The following PRKG1 variants were observed in gnomAD, a reference collection of about 807,000 sequenced individuals.
PRKG1 encodes protein kinase cGMP-dependent 1, also known as cGMP-dependent protein kinase 1.
PRKG1 carries 35 observed loss-of-function variants against 88.1 expected under a neutral mutation model. That is an observed-to-expected ratio of 0.40 (90% CI 0.30 to 0.53). The LOEUF is 0.53. Among genes scored for constraint, PRKG1 ranks in the 20% least tolerant of loss-of-function variants. PRKG1 has a pLI of 0.59. For missense variants in PRKG1, 540 were observed against 839.8 expected, an observed-to-expected ratio of 0.64 and a Z score of 4.41; for synonymous variants, 303 against 292.5, an observed-to-expected ratio of 1.04 and a Z score of -0.37.
intron 2 of PRKG1, among the ~76,000 whole-genome samples, chr10:51,198,906 C>T (rs1258325123): frequency 6.6e-6 from 1 of 152,158 alleles, no homozygotes; most frequent in Non-Finnish European, 1.5e-5. Context: ...CAAATTACCA[C>T]AAAAATATCA....
chr10:51,525,829 C>CT (rs747976301), intron 3 of PRKG1, among the ~76,000 whole-genome samples: 10,934 of 146,012 alleles, frequency 0.075, 465 homozygotes, highest in Middle Eastern at 0.14. Flanking sequence ...ACTCTTAGCA[C>CT]TTTTTTTTTT....
At chr10:51,113,136 C>T (rs1040437718) in intron 1 of PRKG1, among the ~76,000 whole-genome samples, 5 of 152,160 alleles carry the variant, frequency 3.3e-5, no homozygotes, top group East Asian at 1.9e-4. Context: ...TGATATGCAT[C>T]GCAATGTGCT....
At chr10:52,097,118 T>G (rs1847190763) in intron 7 of PRKG1, among the ~76,000 whole-genome samples, 1 of 152,172 alleles carries the variant, frequency 6.6e-6, no homozygotes, top group Non-Finnish European at 1.5e-5. Context: ...TTATACAGCT[T>G]AAGATACAGA....
intron 3 of PRKG1, among the ~76,000 whole-genome samples, chr10:51,666,322 G>A (rs1215593486): frequency 6.6e-6 from 1 of 152,152 alleles, no homozygotes; most frequent in Admixed American, 6.5e-5. Flanking sequence ...GCCCCTTGAT[G>A]GTTTTTGACA....
chr10:51,554,693 G>C (rs1837264755), intron 3 of PRKG1, among the ~76,000 whole-genome samples: 1 of 99,828 alleles, frequency 1.0e-5, no homozygotes, highest in South Asian at 3.9e-4. Context: ...GCATTTTAAG[G>C]GGAAAAAAGT....
chr10:52,045,530 A>T (rs1403875658), intron 5 of PRKG1, among the ~76,000 whole-genome samples: 2 of 152,074 alleles, frequency 1.3e-5, no homozygotes, highest in Non-Finnish European at 2.9e-5. Flanking sequence ...AAGGAATGTG[A>T]CAAGGGACAG....
At chr10:51,504,290 G>A (rs569476504) in intron 3 of PRKG1, among the ~76,000 whole-genome samples, 2 of 152,262 alleles carry the variant, frequency 1.3e-5, no homozygotes, top group African/African-American at 4.8e-5. Context: ...TAGACATGTG[G>A]CATTATTTCT....
intron 7 of PRKG1, among the ~76,000 whole-genome samples, chr10:52,080,542 C>A (rs556162137): frequency 6.6e-6 from 1 of 152,170 alleles, no homozygotes; most frequent in Non-Finnish European, 1.5e-5. Context: ...TGAAGGCAAG[C>A]AAACTGAGAC....
chr10:52,047,538 A>G (rs1168236158), intron 5 of PRKG1, among the ~76,000 whole-genome samples: 1 of 152,180 alleles, frequency 6.6e-6, no homozygotes, highest in South Asian at 2.1e-4. Flanking sequence ...TGAGAATTTT[A>G]TGCTGTTATG....
rs751174547 is a variant in PRKG1, at chr10:52,288,812, C to T, written c.1796C>T (p.Ala599Val). The T allele has an allele frequency of 6.2e-7, 1 of 1,605,798 alleles. No homozygotes were observed. Among genetic ancestry groups the T allele is most frequent in the Admixed American group, 1.7e-5 (1 of 58,786 alleles). Reference protein sequence around the residue: ...IDMIEFPKKIAKNAANLIKKL... With the variant: ...IDMIEFPKKIVKNAANLIKKL... ...ATGATAGAATTTCCAAAGAAGATTG[C>T]CAAAAATGCTGCTAATTTAATTAAA... is the stretch of plus-strand genomic sequence containing the variant. The change falls in exon 15 of 18, where the codon GCC becomes GTC. Residue 599 changes from alanine to valine, a missense_variant. Ala to Val is a moderately conservative substitution (Grantham distance 64, BLOSUM62 0). Coordinates refer to ENST00000373980, the MANE Select transcript of PRKG1 (RefSeq NM_006258.4).
At chr10:51,359,801 G>C (rs1417016840) in intron 2 of PRKG1, among the ~76,000 whole-genome samples, 1 of 151,900 alleles carries the variant, frequency 6.6e-6, no homozygotes, top group Non-Finnish European at 1.5e-5. Flanking sequence ...CAAAAGACCA[G>C]ATGGGAAAAG....
intron 5 of PRKG1, among the ~76,000 whole-genome samples, chr10:51,919,869 C>G (rs61658638): frequency 6.6e-6 from 1 of 152,100 alleles, no homozygotes; most frequent in Non-Finnish European, 1.5e-5. Flanking sequence ...GTTTCCAGCA[C>G]AGCAAGGATT....
At chr10:51,958,546 C>CTTTTTTTT (rs754914836) in intron 5 of PRKG1, among the ~76,000 whole-genome samples, 1 of 92,864 alleles carries the variant, frequency 1.1e-5, no homozygotes, top group East Asian at 2.7e-4. Flanking sequence ...ATTGTTGTTC[C>CTTTTTTTT]TTTTTTTTTT....
chr10:51,357,767 G>T (rs1193184685), intron 2 of PRKG1, among the ~76,000 whole-genome samples: 1 of 151,810 alleles, frequency 6.6e-6, no homozygotes, highest in Admixed American at 6.6e-5. Context: ...CCCTAAGAGA[G>T]CTTTGTCTAA....
intron 9 of PRKG1, among the ~76,000 whole-genome samples, chr10:52,200,576 A>G (rs1030201358): frequency 1.3e-5 from 2 of 152,112 alleles, no homozygotes; most frequent in African/African-American, 4.8e-5. Context: ...TATATACTCA[A>G]TAATGGATTT....
intron 5 of PRKG1, among the ~76,000 whole-genome samples, chr10:52,037,194 C>T (rs1352440963): frequency 1.3e-5 from 2 of 152,220 alleles, no homozygotes; most frequent in Middle Eastern, 3.2e-3. Context: ...GCAGGCATTC[C>T]TTGGCCCAGT....
intron 9 of PRKG1, among the ~76,000 whole-genome samples, chr10:52,182,867 G>A (rs1194369613): frequency 6.6e-6 from 1 of 152,124 alleles, no homozygotes; most frequent in Non-Finnish European, 1.5e-5. Context: ...GTCAGGTAGT[G>A]TGATTTGGCT....
At position 52,289,011 on chromosome 10, in the gene PRKG1, A is replaced by G. The variant is rs989880924; in HGVS notation, c.1895+18A>G. On this transcript the variant is annotated intron_variant, in intron 16 of 17. Coordinates refer to ENST00000373980, the MANE Select transcript of PRKG1 (RefSeq NM_006258.4). Reference sequence around the variant, plus strand: ...AAGCACAAGTAAGTGTTCTTTCTGCAGAGTTCTGAACACGTGACATCATTT... The same window carrying G: ...AAGCACAAGTAAGTGTTCTTTCTGCGGAGTTCTGAACACGTGACATCATTT... The G allele has an allele frequency of 5.0e-6, 8 of 1,597,144 alleles. No individual in the cohort carries two copies. The highest frequency in any genetic ancestry group is 6.9e-6 in the Non-Finnish European group (8 of 1,167,678).
intron 1 of PRKG1, among the ~76,000 whole-genome samples, chr10:51,041,006 T>A (rs922146830): frequency 2.0e-4 from 30 of 152,280 alleles, no homozygotes; most frequent in Admixed American, 1.4e-3. Context: ...TAGCTAGGAC[T>A]TCTACTGTGG....
Sources: gnomAD v4.1 joint callset for allele counts (sites outside exome capture counted in the v4.1 genomes callset) on GRCh38, gnomAD v4.1.1 for gene constraint, MANE v1.5 for transcripts, NCBI Gene and HGNC (gene_info 2026-07-23, HGNC 2026-07-21) for gene names.